Variants in TFEC observed in about 807,000 individuals in gnomAD.
The protein encoded by TFEC is class E basic helix-loop-helix protein 34.
Under a neutral mutation model 41.6 loss-of-function variants are expected in TFEC, and 31 were observed. That is an observed-to-expected ratio of 0.74 (90% CI 0.56 to 1.01). TFEC has a LOEUF of 1.01. Ranked by LOEUF, TFEC falls within the 50% of genes least tolerant of loss-of-function variation. The pLI, the probability that TFEC is intolerant of heterozygous loss-of-function variation, is 0.00. For missense variants in TFEC, 402 were observed against 404.1 expected, an observed-to-expected ratio of 0.99 and a Z score of 0.04; for synonymous variants, 143 against 140.6, an observed-to-expected ratio of 1.02 and a Z score of -0.12.
intron 3 of TFEC, among the ~76,000 whole-genome samples, chr7:116,095,738 C>T (rs1179752797): frequency 6.6e-6 from 1 of 152,130 alleles, no homozygotes; most frequent in Non-Finnish European, 1.5e-5. Context: ...AGGGATTCTA[C>T]GTTTCCTTTT....
At chr7:116,067,258 A>G (rs540988520) in intron 3 of TFEC, among the ~76,000 whole-genome samples, 44 of 152,126 alleles carry the variant, frequency 2.9e-4, no homozygotes, top group African/African-American at 1.0e-3. Context: ...TTAGATGTTT[A>G]GGTAACATGT....
chr7:116,076,421 T>A (rs1182977848), intron 3 of TFEC, among the ~76,000 whole-genome samples: 3 of 151,922 alleles, frequency 2.0e-5, no homozygotes, highest in African/African-American at 7.3e-5. Context: ...TAAACCAAGA[T>A]GAAATCTCTG....
intron 1 of TFEC, among the ~76,000 whole-genome samples, chr7:116,002,539 G>T (rs1794637714): frequency 6.6e-6 from 1 of 152,130 alleles, no homozygotes. Flanking sequence ...GAAGAGTAGT[G>T]GGGGTACTGG....
intron 1 of TFEC, among the ~76,000 whole-genome samples, chr7:116,140,940 C>T (rs1798527958): frequency 6.6e-6 from 1 of 152,150 alleles, no homozygotes; most frequent in South Asian, 2.1e-4. Context: ...AAATTTTCCC[C>T]ACCATCCAGA....
intron 1 of TFEC, among the ~76,000 whole-genome samples, chr7:115,993,462 C>G: frequency 6.6e-6 from 1 of 152,162 alleles, no homozygotes; most frequent in African/African-American, 2.4e-5. Context: ...AAAACCCCAT[C>G]ATCTCAGCCC....
At chr7:116,152,404 G>A (rs541952993) in intron 1 of TFEC, among the ~76,000 whole-genome samples, 30 of 152,296 alleles carry the variant, frequency 2.0e-4, no homozygotes, top group Non-Finnish European at 3.7e-4. Context: ...AATTTGCAGG[G>A]CAGAGTTTAC....
intron 3 of TFEC, among the ~76,000 whole-genome samples, chr7:116,094,541 G>A (rs1196835379): frequency 6.6e-6 from 1 of 152,046 alleles, no homozygotes; most frequent in Non-Finnish European, 1.5e-5. Flanking sequence ...TTAGCCAGGC[G>A]TGGTGGCATG....
chr7:116,045,586 C>T (rs1425442461), intron 3 of TFEC, among the ~76,000 whole-genome samples: 2 of 152,210 alleles, frequency 1.3e-5, no homozygotes, highest in African/African-American at 2.4e-5. Flanking sequence ...GGAATTGCCT[C>T]GATGCCCAGG....
At chr7:116,042,305 A>G (rs536691917) in intron 3 of TFEC, among the ~76,000 whole-genome samples, 1 of 152,326 alleles carries the variant, frequency 6.6e-6, no homozygotes, top group East Asian at 1.9e-4. Context: ...ATTGCATTGT[A>G]TATGAAGAGA....
rs149444539 is a variant in TFEC, at chr7:116,036,680, T to G, written c.199-52167A>C. ...GTAGGTATACAAAGCTAAACACTCC[T>G]AGCCTTTACCCTCAAGGAGTTTAAA... On this transcript the variant is annotated intron_variant, in intron 3 of 8. Coordinates refer to the TFEC transcript ENST00000484212. Among the ~76,000 whole-genome samples the G allele has an allele frequency of 3.9e-5, 6 of 152,182 alleles. No homozygotes were observed. In the East Asian group the frequency reaches 1.2e-3, roughly 29 times the overall value.
intron 3 of TFEC, among the ~76,000 whole-genome samples, chr7:116,096,808 T>A (rs74858419): frequency 6.6e-6 from 1 of 152,118 alleles, no homozygotes; most frequent in South Asian, 2.1e-4. Context: ...GTGGGCAAGA[T>A]AGGCTGGGCG....
intron 1 of TFEC, among the ~76,000 whole-genome samples, chr7:116,148,811 T>C (rs977122687): frequency 7.2e-5 from 11 of 151,942 alleles, no homozygotes; most frequent in African/African-American, 2.7e-4. Flanking sequence ...GGTTTTTCAC[T>C]ATAGATGTAA....
intron 3 of TFEC, among the ~76,000 whole-genome samples, chr7:116,067,817 G>C (rs1796730434): frequency 6.6e-6 from 1 of 151,766 alleles, no homozygotes; most frequent in South Asian, 2.1e-4. Context: ...AATGTGTTTG[G>C]CCATTAACCT....
chr7:116,132,192 C>T (rs980511191), intron 1 of TFEC, among the ~76,000 whole-genome samples: 1 of 152,052 alleles, frequency 6.6e-6, no homozygotes, highest in Non-Finnish European at 1.5e-5. Context: ...TAAAGTTGGC[C>T]TATAAGTCAA....
chr7:116,137,844 C>A (rs1176866603), intron 1 of TFEC, among the ~76,000 whole-genome samples: 3 of 151,420 alleles, frequency 2.0e-5, no homozygotes, highest in Non-Finnish European at 4.4e-5. Context: ...CTTGTGAAAA[C>A]CCTCTGTACA....
chr7:116,020,280 T>A (rs1047836328), intron 1 of TFEC, among the ~76,000 whole-genome samples: 2 of 152,176 alleles, frequency 1.3e-5, no homozygotes, highest in African/African-American at 2.4e-5. Context: ...GAGAATACCT[T>A]GTGCAGAGGA....
chr7:116,034,162 T>C (rs1795853879), upstream of TFEC, among the ~76,000 whole-genome samples: 1 of 152,142 alleles, frequency 6.6e-6, no homozygotes, highest in South Asian at 2.1e-4. Flanking sequence ...CTCAGTCTCC[T>C]TTGCTGTTTC....
At chr7:116,097,669 T>A (rs1584512040) in intron 3 of TFEC, among the ~76,000 whole-genome samples, 1 of 152,152 alleles carries the variant, frequency 6.6e-6, no homozygotes, top group Non-Finnish European at 1.5e-5. Context: ...TGGAGCACAA[T>A]TCAAACCTGT....
intron 1 of TFEC, among the ~76,000 whole-genome samples, chr7:116,129,585 ACTT>A (rs1298024514): frequency 1.1e-4 from 14 of 132,746 alleles, no homozygotes; most frequent in African/African-American, 3.3e-4. Flanking sequence ...CAATATTCTT[ACTT>A]TTTTTTTTTT....
Sources: gnomAD v4.1 joint callset for allele counts (sites outside exome capture counted in the v4.1 genomes callset) on GRCh38, gnomAD v4.1.1 for gene constraint, MANE v1.5 for transcripts, NCBI Gene and HGNC (gene_info 2026-07-23, HGNC 2026-07-21) for gene names.